SLC7A8: variants seen among roughly 807,000 people sequenced by gnomAD.
The protein encoded by SLC7A8 is large neutral amino acids transporter small subunit 2.
Under a neutral mutation model 51.2 loss-of-function variants are expected in SLC7A8, and 30 were observed. That is an observed-to-expected ratio of 0.59 (90% confidence interval 0.44 to 0.80). The LOEUF (loss-of-function observed/expected upper bound fraction) is 0.80, where lower values mean the gene tolerates loss of function less well. Ranked by LOEUF, SLC7A8 falls within the 30% of genes least tolerant of loss-of-function variation. The pLI is 0.00. For synonymous variants in SLC7A8, 257 were observed against 275.8 expected, an observed-to-expected ratio of 0.93 and a Z score of 0.67; for missense variants, 612 against 674.4, an observed-to-expected ratio of 0.91 and a Z score of 1.03.
chr14:23,141,446 CTCTTT>C (rs1168523957), intron 4 of SLC7A8, among the ~76,000 whole-genome samples: 1 of 152,124 alleles, frequency 6.6e-6, no homozygotes, highest in Non-Finnish European at 1.5e-5. Flanking sequence ...TGTTTGGTCT[CTCTTT>C]TCTTTTTTGT....
chr14:23,176,941 C>CAA (rs10633003), intron 1 of SLC7A8, among the ~76,000 whole-genome samples: 2,372 of 72,444 alleles, frequency 0.033, 102 homozygotes, highest in East Asian at 0.096. Context: ...GACTCTGTCT[C>CAA]AAAAAAAAAA....
At position 23,131,492 on chromosome 14, in the gene SLC7A8, C is replaced by A; in HGVS notation, c.1082G>T (p.Arg361Leu). The A allele has an allele frequency of 6.2e-7, 1 of 1,608,914 alleles. No homozygotes were observed. The highest frequency in any genetic ancestry group is 8.5e-7 in the Non-Finnish European group (1 of 1,177,780). Residue 361 changes from arginine (R) to leucine (L), a missense_variant, in exon 8 of 11, where the codon CGC becomes CTC. Arg to Leu is a moderately radical substitution (Grantham distance 102). Coordinates refer to ENST00000316902, the MANE Select transcript of SLC7A8 (RefSeq NM_012244.4). ...GAGCAGGGCTGGGATTGGGGTGCAG[C>A]GCTTCACGTGGATCATGGCCAACAC... The part of the protein sequence containing the change: ...PSVLAMIHVK[R>L]CTPIPALLFT...
chr14:23,166,176 C>T (rs2048948982), intron 2 of SLC7A8, among the ~76,000 whole-genome samples, 160 bp downstream of exon 2: 1 of 152,186 alleles, frequency 6.6e-6, no homozygotes, highest in Admixed American at 6.5e-5. Context: ...GCTACACTAG[C>T]AACCATGGCA....
At chr14:23,130,957 G>C (rs1349380423) in intron 8 of SLC7A8, among the ~76,000 whole-genome samples, 1 of 152,190 alleles carries the variant, frequency 6.6e-6, no homozygotes, top group Non-Finnish European at 1.5e-5. Context: ...ACAGTTTCCA[G>C]TTTATCAGTC....
In SLC7A8 at chr14:23,139,543, G is replaced by C; in HGVS notation, c.793C>G (p.Leu265Val). Residue 265 changes from leucine to valine, a missense_variant, in exon 6 of 11, where the codon CTT becomes GTT. Transcript: ENST00000316902. Reference sequence around the variant, plus strand: ...ATGGAGATGAAGATGGCTCTGGGAAGGTTCCTGTAGAGGGAGAGGAGGTGA... The same window carrying C: ...ATGGAGATGAAGATGGCTCTGGGAACGTTCCTGTAGAGGGAGAGGAGGTGA... ...TEELVDPYKNLPRAIFISIPL... is the reference protein window; with the variant it reads ...TEELVDPYKNVPRAIFISIPL... The C allele has an allele frequency of 1.9e-6, 3 of 1,613,118 alleles. No homozygotes were observed. Among genetic ancestry groups the C allele is most frequent in the Non-Finnish European group, 2.5e-6 (3 of 1,179,316 alleles).
intron 3 of SLC7A8, among the ~76,000 whole-genome samples, chr14:23,144,000 G>A (rs2048768177): frequency 6.6e-6 from 1 of 152,174 alleles, no homozygotes; most frequent in Non-Finnish European, 1.5e-5. Context: ...CCTTTCTATT[G>A]CCAAATAGCA....
chr14:23,154,316 A>G, intron 3 of SLC7A8: 1 of 999,238 alleles, frequency 1.0e-6, no homozygotes, highest in Non-Finnish European at 1.2e-6. Context: ...GCTCCCACAG[A>G]CTCCCTCCCC....
chr14:23,133,061 C>G (rs989480569), intron 7 of SLC7A8, among the ~76,000 whole-genome samples: 1 of 152,172 alleles, frequency 6.6e-6, no homozygotes, highest in African/African-American at 2.4e-5. Flanking sequence ...CAGGCATGAG[C>G]CACCACGCCC....
chr14:23,160,463 C>T (rs991767390), intron 3 of SLC7A8, among the ~76,000 whole-genome samples: 22 of 150,954 alleles, frequency 1.5e-4, no homozygotes, highest in Admixed American at 2.7e-4. Context: ...CCCAGCTACT[C>T]GGGAGGCTGA....
chr14:23,145,990 G>A (rs2048790331), intron 3 of SLC7A8, among the ~76,000 whole-genome samples: 1 of 152,172 alleles, frequency 6.6e-6, no homozygotes, highest in South Asian at 2.1e-4. Context: ...ATACACATTT[G>A]GTTTGTCTTA....
At chr14:23,159,466 G>A (rs766550456) in intron 3 of SLC7A8, among the ~76,000 whole-genome samples, 3 of 152,348 alleles carry the variant, frequency 2.0e-5, no homozygotes, top group East Asian at 3.9e-4. Context: ...GAGGCTGATC[G>A]GATACCCGAA....
chr14:23,170,390 A>T (rs1297938301), intron 1 of SLC7A8, among the ~76,000 whole-genome samples: 1 of 152,164 alleles, frequency 6.6e-6, no homozygotes, highest in Non-Finnish European at 1.5e-5. Context: ...GAACTGGGAA[A>T]AGGCTTTTCT....
chr14:23,180,950 C>T (rs1214237131), intron 1 of SLC7A8, among the ~76,000 whole-genome samples: 2 of 152,118 alleles, frequency 1.3e-5, no homozygotes, highest in Non-Finnish European at 2.9e-5. Context: ...TGGCGTGAAC[C>T]CGGGAGGCGG....
intron 4 of SLC7A8, among the ~76,000 whole-genome samples, chr14:23,142,798 G>A (rs1192280970): frequency 6.6e-6 from 1 of 152,064 alleles, no homozygotes; most frequent in African/African-American, 2.4e-5. Context: ...CACCACACTC[G>A]GCCGATATGT....
At chr14:23,178,014 G>A (rs893912393) in intron 1 of SLC7A8, among the ~76,000 whole-genome samples, 3 of 152,146 alleles carry the variant, frequency 2.0e-5, no homozygotes, top group African/African-American at 7.2e-5. Context: ...ACAAGCTCTG[G>A]GTTTGAATCC....
rs373497456 is a variant in SLC7A8, at chr14:23,165,459, G to A, written c.357-23C>T. The stretch of plus-strand genomic sequence containing the variant: ...AACCTGAAGGAGGAAAGGGACATCC[G>A]CCGAAAGGCATGGCAGGGACGCAGA... On this transcript the variant is annotated intron_variant, in intron 2 of 10. Transcript: ENST00000316902. The surrounding 1 kb of genome is among the most constrained non-coding windows in gnomAD (Gnocchi z 4.2). 2.3e-5 allele frequency: 36 copies of A among 1,574,576 alleles called. No homozygotes were observed. The highest frequency in any genetic ancestry group is 3.9e-5 in the Admixed American group (2 of 51,672).
rs1017003997 is a variant in SLC7A8 at position 23,126,923 on chromosome 14, C to G, written c.*254G>C. 1.9e-6 allele frequency: 1 copy of G among 528,112 alleles called. No individual in the cohort carries two copies. Among genetic ancestry groups the G allele is most frequent in the Non-Finnish European group, 3.4e-6 (1 of 294,958 alleles). The allele number at this position is 528,112 out of a possible 1,614,324, so 32.7% of individuals were successfully genotyped here. ...TGCAGGGCACCTTGGCATCTCCCCT[C>G]TCCTCCAGCAGCTGGGAGTGTGGGC... On this transcript the variant is annotated 3_prime_UTR_variant, in exon 11 of 11. Transcript: ENST00000316902.
intron 1 of SLC7A8, among the ~76,000 whole-genome samples, chr14:23,177,306 G>A (rs964488184): frequency 3.9e-5 from 6 of 152,206 alleles, no homozygotes; most frequent in African/African-American, 1.4e-4. Flanking sequence ...CATTCACTGA[G>A]TTTCAGCCAA....
intron 3 of SLC7A8, among the ~76,000 whole-genome samples, chr14:23,164,049 T>G (rs569593783): frequency 6.6e-6 from 1 of 152,182 alleles, no homozygotes; most frequent in East Asian, 1.9e-4. Context: ...CATAGCTCAC[T>G]GTGGCCCAGA....
Sources: allele counts gnomAD v4.1 joint callset (sites outside exome capture counted in the v4.1 genomes callset), GRCh38; gene constraint gnomAD v4.1.1; non-coding constraint Gnocchi (gnomAD v3.1); transcripts MANE v1.5; gene names NCBI Gene and HGNC (gene_info 2026-07-23, HGNC 2026-07-21).